ACO2: variants seen among roughly 807,000 people sequenced by gnomAD.
ACO2 encodes the protein aconitate hydratase, mitochondrial.
Under a neutral mutation model 84.5 loss-of-function variants are expected in ACO2, and 31 were observed. That is an observed-to-expected ratio of 0.37 (90% CI 0.28 to 0.50). The LOEUF (loss-of-function observed/expected upper bound fraction) is 0.50. ACO2 is among the 20% of genes least tolerant of loss of function. The pLI is 0.97. For missense variants in ACO2, 685 were observed against 1,029.3 expected (o/e 0.67, Z 4.58); for synonymous variants, 414 against 412.7 (o/e 1.00, Z -0.04).
chr22:41,490,594 T>G (rs914895913), intron 1 of ACO2, among the ~76,000 whole-genome samples: 1 of 152,226 alleles, frequency 6.6e-6, no homozygotes, highest in Admixed American at 6.5e-5. Flanking sequence ...ATATTTTAAT[T>G]AGATAGTTTC....
rs1338966991 is a variant in ACO2, at chr22:41,499,793, G to C, written c.104G>C (p.Ser35Thr). 2 of 1,614,000 alleles carry C rather than the reference G, an allele frequency of 1.2e-6. No homozygotes were observed. Among genetic ancestry groups the C allele is most frequent in the African/African-American group, 1.3e-5 (1 of 74,940 alleles). Residue 35 changes from serine (S) to threonine (T), a missense_variant, in exon 2 of 18, where the codon AGC becomes ACC. By Grantham distance (58) the Ser-to-Thr change is moderately conservative. Transcript: ENST00000216254. Reference sequence around the variant, plus strand: ...TGCCAACGGGCCAAGGTGGCGATGAGCCACTTTGAGCCCAACGAGTACATC... The same window carrying C: ...TGCCAACGGGCCAAGGTGGCGATGACCCACTTTGAGCCCAACGAGTACATC... ...VLCQRAKVAM[S>T]HFEPNEYIHY...
At chr22:41,470,092 C>T (rs1206977288) in intron 1 of ACO2, among the ~76,000 whole-genome samples, 2 of 152,152 alleles carry the variant, frequency 1.3e-5, no homozygotes, top group African/African-American at 4.8e-5. Context: ...CTTGACTCCC[C>T]TGTTAGGAGC....
chr22:41,489,359 T>C (rs2066255990), intron 1 of ACO2, among the ~76,000 whole-genome samples: 1 of 152,154 alleles, frequency 6.6e-6, no homozygotes, highest in Non-Finnish European at 1.5e-5. Flanking sequence ...AATAATACTC[T>C]TAATAGTAAT....
chr22:41,473,930 C>A (rs908620888), intron 1 of ACO2, among the ~76,000 whole-genome samples: 4 of 152,130 alleles, frequency 2.6e-5, no homozygotes, highest in Non-Finnish European at 5.9e-5. Context: ...GGGCTAGGGT[C>A]AGGCAGGCTT....
intron 1 of ACO2, among the ~76,000 whole-genome samples, chr22:41,483,994 A>G (rs1367780670): frequency 3.9e-5 from 6 of 152,202 alleles, no homozygotes; most frequent in Non-Finnish European, 5.9e-5. Context: ...TGACGCATTC[A>G]TAATATCGAG....
chr22:41,483,017 G>T (rs2038107079), intron 1 of ACO2, among the ~76,000 whole-genome samples: 1 of 152,204 alleles, frequency 6.6e-6, no homozygotes, highest in Non-Finnish European at 1.5e-5. Flanking sequence ...TGAACCAGGG[G>T]GCTTATGGGA....
At chr22:41,526,739 A>G in intron 15 of ACO2, 1 of 389,444 alleles carries the variant, frequency 2.6e-6, no homozygotes, top group Non-Finnish European at 4.7e-6. Context: ...CGACTCAGGA[A>G]GTCAGAGGCC....
Position 41,515,870 on chromosome 22 carries a change from C to T in ACO2, c.788C>T (p.Ala263Val), listed in dbSNP as rs1225988907. 1 of 1,614,232 alleles carries T rather than the reference C, an allele frequency of 6.2e-7. No individual in the cohort carries two copies. Among genetic ancestry groups the T allele is most frequent in the Non-Finnish European group, 8.5e-7 (1 of 1,180,038 alleles). The change falls in exon 6 of 18, where the codon GCA (alanine) becomes GTA (valine). Residue 263 changes from alanine to valine, a missense_variant. Coordinates refer to ENST00000216254, the MANE Select transcript of ACO2 (RefSeq NM_001098.3). This position sits in a 1 kb window ranked among gnomAD's most constrained non-coding sequence, Gnocchi z 5.8. ...CTCACGGTGAAAGGTGGCACAGGTGCAATCGTGGAATACCACGGGCCTGGT... is the reference window on the plus strand; with the variant it reads ...CTCACGGTGAAAGGTGGCACAGGTGTAATCGTGGAATACCACGGGCCTGGT... Reference protein sequence around the residue: ...GILTVKGGTGAIVEYHGPGVD... With the variant: ...GILTVKGGTGVIVEYHGPGVD...
At position 41,493,096 on chromosome 22, in the gene ACO2, C is replaced by T. The variant is rs370962638; in HGVS notation, c.37-6630C>T. ...GCAAGAGAGAGGGGAGGAAGGGGGCCGGATTTATCCCTTTATCAGGAACCG... is the reference window on the plus strand; with the variant it reads ...GCAAGAGAGAGGGGAGGAAGGGGGCTGGATTTATCCCTTTATCAGGAACCG... On this transcript the variant is annotated intron_variant, in intron 1 of 17. Transcript: ENST00000216254. Among the ~76,000 whole-genome samples the T allele has an allele frequency of 2.3e-4, 35 of 152,256 alleles. 1 individual carries two copies. The South Asian group carries it at 2.5e-3, about 11-fold the overall frequency.
At position 41,527,109 on chromosome 22, in the gene ACO2, C is replaced by A. The variant is rs919525587; in HGVS notation, c.1954-179C>A. On this transcript the variant is annotated intron_variant, in intron 15 of 17. Transcript: ENST00000216254. Reference sequence around the variant, plus strand: ...TGTCCCCTCGGGGCCTCGTTTGGGTCTCATTCACGCAGGCTTCACTTGCCC... The same window carrying A: ...TGTCCCCTCGGGGCCTCGTTTGGGTATCATTCACGCAGGCTTCACTTGCCC... 27 of 875,830 alleles carry A rather than the reference C, an allele frequency of 3.1e-5. 2 individuals carry two copies. In the Admixed American group the frequency reaches 4.2e-4, roughly 14 times the overall value. The allele number at this position is 875,830 out of a possible 1,614,324, so 54.3% of individuals were successfully genotyped here.
rs770061935 is a variant in ACO2, at chr22:41,469,169, T to C, written c.23T>C (p.Val8Ala). ...AAAATGGCGCCCTACAGCCTACTGG[T>C]GACTCGGCTGCAGGTGAGCGAGCTC... Reference protein sequence around the residue: MAPYSLLVTRLQKALGVR... With the variant: MAPYSLLATRLQKALGVR... The change falls in exon 1 of 18, where the codon GTG becomes GCG. Residue 8 changes from valine to alanine, a missense_variant. By Grantham distance (64) the Val-to-Ala change is moderately conservative. Around this residue, in one of 5 missense-constraint regions of ACO2, gnomAD observed 98 missense variants for 107.6 expected, o/e 0.91. Coordinates refer to ENST00000216254, the MANE Select transcript of ACO2 (RefSeq NM_001098.3). 2 of 1,608,838 alleles carry C rather than the reference T, an allele frequency of 1.2e-6. No homozygotes were observed. Among genetic ancestry groups the C allele is most frequent in the South Asian group, 2.2e-5 (2 of 90,478 alleles).
At chr22:41,501,192 TG>T (rs1171653538) in intron 2 of ACO2, among the ~76,000 whole-genome samples, 1 of 151,968 alleles carries the variant, frequency 6.6e-6, no homozygotes, top group African/African-American at 2.4e-5. Flanking sequence ...TTTGTAGAGA[TG>T]GGGTATCGCC....
intron 15 of ACO2, 122 bp from the exon 16 acceptor site, chr22:41,527,166 C>T (rs1292494361): frequency 2.8e-5 from 41 of 1,455,366 alleles, no homozygotes; most frequent in Non-Finnish European, 3.5e-5. Flanking sequence ...GCCCCTCCAG[C>T]CCCTTTACCG....
At chr22:41,514,199 T>C (rs73420813) in intron 4 of ACO2, among the ~76,000 whole-genome samples, 2,312 of 152,286 alleles carry the variant, frequency 0.015, 69 homozygotes, top group African/African-American at 0.054. Context: ...GTAAGATTTC[T>C]GGGAGCACTG....
chr22:41,491,859 G>A (rs190859285), intron 1 of ACO2, among the ~76,000 whole-genome samples: 1 of 152,218 alleles, frequency 6.6e-6, no homozygotes, highest in Admixed American at 6.5e-5. Context: ...CAGCAGTTAA[G>A]TGGTGGAGCT....
In ACO2 at chr22:41,495,404, T is replaced by G. The variant is rs186072115; in HGVS notation, c.37-4322T>G. Among the ~76,000 whole-genome samples the G allele has an allele frequency of 3.2e-3, 490 of 152,224 alleles. 1 individual carries two copies. The highest frequency in any genetic ancestry group is 4.9e-3 in the Non-Finnish European group (336 of 68,004). Reference sequence around the variant, plus strand: ...AATTCCCGGTCTCAAGCAATCTTCCTGTGTCCGAAAGTGCTAGGATTACAG... The same window carrying G: ...AATTCCCGGTCTCAAGCAATCTTCCGGTGTCCGAAAGTGCTAGGATTACAG... On this transcript the variant is annotated intron_variant, in intron 1 of 17. Coordinates refer to ENST00000216254, the MANE Select transcript of ACO2 (RefSeq NM_001098.3).
At position 41,528,627 on chromosome 22, in the gene ACO2, C is replaced by A; in HGVS notation, c.*14C>A. 6.4e-7 allele frequency: 1 copy of A among 1,552,470 alleles called. No homozygotes were observed. Among genetic ancestry groups the A allele is most frequent in the Non-Finnish European group, 8.7e-7 (1 of 1,152,728 alleles). The stretch of plus-strand genomic sequence containing the variant: ...CTGCAACAGTGAGGGCAGTGCCTCC[C>A]CGCCCCGCCGCTGGCGTCAAGTTCA... On this transcript the variant is annotated 3_prime_UTR_variant, in exon 18 of 18. Transcript: ENST00000216254.
Position 41,524,821 on chromosome 22 carries a change from A to G in ACO2, c.1483-25A>G, listed in dbSNP as rs1375979087. The G allele has an allele frequency of 3.1e-6, 5 of 1,613,954 alleles. No individual in the cohort carries two copies. In the African/African-American group the frequency reaches 6.7e-5, roughly 22 times the overall value. ...ACAGGAGTGGCAATTGGTGCTGACC[A>G]ACAAACTGGCCACCTCCATTTCAGA... On this transcript the variant is annotated intron_variant, in intron 12 of 17. Transcript: ENST00000216254.
Position 41,528,128 on chromosome 22 carries a change from C to T in ACO2, c.2208+106C>T. 3 of 1,511,322 alleles carry T rather than the reference C, an allele frequency of 2.0e-6. No individual in the cohort carries two copies. The South Asian group carries it at 3.7e-5, about 19-fold the overall frequency. The allele number at this position is 1,511,322 out of a possible 1,614,324, so 93.6% of individuals were successfully genotyped here. On this transcript the variant is annotated intron_variant, in intron 17 of 17. Transcript: ENST00000216254. ...CTTCTCCCAGGAGGCTTCATTCCAG[C>T]TGGAAAGGCCCCCAGTTCTCCAGGT...
Sources: allele counts gnomAD v4.1 joint callset (sites outside exome capture counted in the v4.1 genomes callset), GRCh38; gene constraint gnomAD v4.1.1; regional missense constraint gnomAD v4.1.1; non-coding constraint Gnocchi (gnomAD v3.1); transcripts MANE v1.5; gene names NCBI Gene and HGNC (gene_info 2026-07-23, HGNC 2026-07-21).